Variants in DMD observed in about 807,000 individuals in gnomAD.
DMD encodes the protein mutant dystrophin.
Under a neutral mutation model 330.1 loss-of-function variants are expected in DMD, and 63 were observed. The observed-to-expected ratio is 0.19, with a 90% confidence interval of 0.16 to 0.24. The LOEUF (loss-of-function observed/expected upper bound fraction) is 0.24. Among genes scored for constraint, DMD ranks in the 10% least tolerant of loss-of-function variants. DMD has a pLI of 1.00. For synonymous variants in DMD, 1,223 were observed against 959.8 expected (o/e 1.27, Z -5.07); for missense variants, 3,344 against 2,684.1 (o/e 1.25, Z -5.43).
chrX:32,353,018 T>C (rs2097787013), intron 37 of DMD, among the ~76,000 whole-genome samples: 1 of 111,260 alleles, frequency 9.0e-6, no homozygotes, highest in African/African-American at 3.2e-5. Context: ...GTGCTTATTA[T>C]ATCAATCGGT....
intron 55 of DMD, among the ~76,000 whole-genome samples, chrX:31,545,381 C>T (rs2074088210): frequency 8.9e-6 from 1 of 112,027 alleles, no homozygotes; most frequent in African/African-American, 3.2e-5. Context: ...ATCATGATTA[C>T]TATATTTCCT....
chrX:31,389,076 C>A (rs900828753), intron 60 of DMD, among the ~76,000 whole-genome samples: 2 of 112,173 alleles, frequency 1.8e-5, no homozygotes, highest in Admixed American at 1.9e-4. Flanking sequence ...AGTTTGCCTG[C>A]CCAAGAAATG....
chrX:33,213,644 A>C (rs1289494596), upstream of DMD, among the ~76,000 whole-genome samples: 1 of 111,808 alleles, frequency 8.9e-6, no homozygotes, highest in African/African-American at 3.2e-5. Context: ...AATTTATTTT[A>C]ACTTGTTATT....
At chrX:32,653,260 T>G (rs2060301503) in intron 9 of DMD, among the ~76,000 whole-genome samples, 1 of 112,129 alleles carries the variant, frequency 8.9e-6, no homozygotes, top group Non-Finnish European at 1.9e-5. Flanking sequence ...AGGTATTGCC[T>G]AGGTTTTCTT....
intron 49 of DMD, among the ~76,000 whole-genome samples, chrX:31,835,179 C>G (rs6628651): frequency 0.18 from 19,891 of 111,410 alleles, 1,458 homozygotes; most frequent in South Asian, 0.24. Context: ...CTCTCTCTCT[C>G]TCTTTTACAA....
chrX:32,833,802 T>C (rs185721256), intron 4 of DMD, among the ~76,000 whole-genome samples: 126 of 109,514 alleles, frequency 1.2e-3, no homozygotes, highest in African/African-American at 3.8e-3. Context: ...ATAATTATTA[T>C]CCCAGCAGAC....
At chrX:32,799,558 G>A (rs1395582140) in intron 7 of DMD, among the ~76,000 whole-genome samples, 1 of 109,143 alleles carries the variant, frequency 9.2e-6, no homozygotes, top group African/African-American at 3.3e-5. Context: ...TATTCACAGG[G>A]GAAAGCTGAC....
At chrX:31,609,268 C>T (rs2148283553) in intron 55 of DMD, among the ~76,000 whole-genome samples, 1 of 111,630 alleles carries the variant, frequency 9.0e-6, no homozygotes, top group Admixed American at 9.5e-5. Flanking sequence ...ATCTGAGTCA[C>T]GAGTCTTGTC....
intron 1 of DMD, among the ~76,000 whole-genome samples, chrX:33,280,627 G>T (rs1288978985): frequency 1.8e-5 from 2 of 111,675 alleles, no homozygotes; most frequent in East Asian, 5.6e-4. Context: ...TTTGATTGTG[G>T]TGATGGTTTC....
At chrX:31,881,597 C>T (rs1396055146) in intron 47 of DMD, among the ~76,000 whole-genome samples, 1 of 111,429 alleles carries the variant, frequency 9.0e-6, no homozygotes, top group Non-Finnish European at 1.9e-5. Context: ...TGCAGCTGTA[C>T]TATTTTTTAT....
intron 52 of DMD, among the ~76,000 whole-genome samples, chrX:31,687,624 T>G (rs1019039079): frequency 9.0e-6 from 1 of 111,706 alleles, no homozygotes; most frequent in Non-Finnish European, 1.9e-5. Context: ...GTGGTGTGAG[T>G]GCTAGCTTAG....
chrX:31,318,670 C>T (rs183565432), intron 62 of DMD, among the ~76,000 whole-genome samples: 11 of 112,093 alleles, frequency 9.8e-5, no homozygotes, highest in African/African-American at 3.6e-4. Context: ...AAAAGATAAA[C>T]ACTCCTTTGG....
At chrX:32,569,008 A>G in intron 15 of DMD, among the ~76,000 whole-genome samples, 1 of 112,279 alleles carries the variant, frequency 8.9e-6, no homozygotes, top group African/African-American at 3.2e-5. Flanking sequence ...GAGCTCTAGA[A>G]AATTCAGGTG....
intron 50 of DMD, among the ~76,000 whole-genome samples, chrX:31,803,339 A>C (rs1309021685): frequency 8.9e-6 from 1 of 112,751 alleles, no homozygotes; most frequent in Non-Finnish European, 1.9e-5. Context: ...TCCAGGCACC[A>C]GGGGAATCTG....
chrX:31,141,201 AAACAAC>A (rs34805586), intron 76 of DMD, among the ~76,000 whole-genome samples: 60 of 105,919 alleles, frequency 5.7e-4, no homozygotes, highest in South Asian at 3.9e-3. Context: ...CACACAAAAG[AAACAAC>A]AACAACAACA....
At chrX:32,389,798 G>T in intron 31 of DMD, 124 bp from the exon 32 acceptor site, 2 of 720,009 alleles carry the variant, frequency 2.8e-6, no homozygotes, top group Non-Finnish European at 4.1e-6. Context: ...ACAAAATAAA[G>T]CAGTATTTTT....
intron 32 of DMD, among the ~76,000 whole-genome samples, chrX:32,388,173 C>T (rs951887910): frequency 2.7e-5 from 3 of 110,929 alleles, no homozygotes; most frequent in Admixed American, 9.7e-5. Flanking sequence ...TTTGTACTGA[C>T]GCAGGGCACA....
intron 52 of DMD, among the ~76,000 whole-genome samples, chrX:31,705,478 C>G (rs2084112776): frequency 8.9e-6 from 1 of 112,918 alleles, no homozygotes; most frequent in African/African-American, 3.2e-5. Context: ...AAAGATGAAA[C>G]TAATGGACTG....
chrX:31,965,150 C>T (rs1246560363), intron 45 of DMD, among the ~76,000 whole-genome samples: 1 of 111,279 alleles, frequency 9.0e-6, no homozygotes, highest in Non-Finnish European at 1.9e-5. Flanking sequence ...CAGAACCCCT[C>T]GACTGGTATG....
Sources: gnomAD v4.1 joint callset for allele counts (sites outside exome capture counted in the v4.1 genomes callset) on GRCh38, gnomAD v4.1.1 for gene constraint, MANE v1.5 for transcripts, NCBI Gene and HGNC (gene_info 2026-07-23, HGNC 2026-07-21) for gene names.